The following ZNF606 variants were observed in gnomAD, a reference collection of about 807,000 sequenced individuals.
ZNF606 encodes the protein zinc finger protein 328.
A neutral mutation model predicts 74.9 loss-of-function variants in ZNF606; 37 were observed. The ratio of observed to expected loss-of-function variants is 0.49; its 90% confidence interval spans 0.38 to 0.65. The LOEUF (loss-of-function observed/expected upper bound fraction) is 0.65. ZNF606 is among the 30% of genes least tolerant of loss of function. The pLI is 0.00. For missense variants in ZNF606, 852 were observed against 952.9 expected, an observed-to-expected ratio of 0.89 and a Z score of 1.39; for synonymous variants, 328 against 312.4, an observed-to-expected ratio of 1.05 and a Z score of -0.53.
In ZNF606 at chr19:57,979,199, T is replaced by G; in HGVS notation, c.1481A>C (p.Asn494Thr). 6 of 1,613,776 alleles carry G rather than the reference T, an allele frequency of 3.7e-6. No homozygotes were observed. Among genetic ancestry groups the G allele is most frequent in the Non-Finnish European group, 5.1e-6 (6 of 1,179,914 alleles). The change falls in exon 7 of 7, where the codon AAC (asparagine) becomes ACC (threonine). Residue 494 changes from asparagine to threonine, a missense_variant. Physicochemically the swap from Asn to Thr is moderately conservative, Grantham distance 65 (BLOSUM62 0). Around this residue, in one of 3 missense-constraint regions of ZNF606, gnomAD observed 243 missense variants for 359.2 expected, o/e 0.68. Coordinates refer to ENST00000551380, the MANE Select transcript of ZNF606 (RefSeq NM_001348022.3). ...YVCNECGKSFNWNSHLIGHQR... is the reference protein window; with the variant it reads ...YVCNECGKSFTWNSHLIGHQR... ...ATGTCCAATAAGATGAGAGTTCCAG[T>G]TGAAAGATTTCCCACACTCATTACA...
chr19:58,000,604 C>T, intron 3 of ZNF606, 79 bp downstream of exon 3: 1 of 1,483,902 alleles, frequency 6.7e-7, no homozygotes, highest in Non-Finnish European at 9.4e-7. Context: ...GGTCCCCATT[C>T]TATTCCCCAG....
Position 58,002,434 on chromosome 19 carries a change from G to A in ZNF606, c.-90C>T. ...GGCGGTCCCCCTTGAAGGCGGCGCA[G>A]CAGGATCGGGGTCTGCCCGCCTGGG... On this transcript the variant is annotated 5_prime_UTR_variant, in exon 1 of 7. Coordinates refer to ENST00000551380, the MANE Select transcript of ZNF606 (RefSeq NM_001348022.3). 2.2e-6 allele frequency: 1 copy of A among 455,878 alleles called. No homozygotes were observed. Among genetic ancestry groups the A allele is most frequent in the South Asian group, 1.6e-5 (1 of 64,472 alleles). The allele number at this position is 455,878 out of a possible 1,614,324, so 28.2% of individuals were successfully genotyped here.
At chr19:57,996,602 G>A (rs901250614) in intron 4 of ZNF606, among the ~76,000 whole-genome samples, 3 of 152,046 alleles carry the variant, frequency 2.0e-5, no homozygotes, top group Non-Finnish European at 4.4e-5. Context: ...AGGAAGAGAT[G>A]GTGGAAGACA....
intron 4 of ZNF606, among the ~76,000 whole-genome samples, chr19:57,996,373 C>T (rs1006903980): frequency 1.3e-5 from 2 of 152,190 alleles, no homozygotes; most frequent in African/African-American, 4.8e-5. Context: ...TGGTGGCACA[C>T]ACCTGTAATC....
intron 4 of ZNF606, chr19:57,998,235 A>G (rs1311931975): frequency 6.6e-6 from 1 of 152,186 alleles, no homozygotes; most frequent in Non-Finnish European, 1.5e-5. Context: ...GAAAAAACCA[A>G]TTTAAAAAAT....
At chr19:58,001,169 G>C (rs1390093169) in intron 2 of ZNF606, 120 bp downstream of exon 2, 18 of 1,198,908 alleles carry the variant, frequency 1.5e-5, no homozygotes, top group Non-Finnish European at 2.0e-5. Context: ...TTCTAATTTT[G>C]TACCAAGATA....
intron 4 of ZNF606, among the ~76,000 whole-genome samples, chr19:57,990,208 CA>C (rs995664039): frequency 4.0e-5 from 6 of 150,534 alleles, no homozygotes; most frequent in African/African-American, 1.2e-4. Context: ...ACTAAAAATA[CA>C]AAAAAATTAG....
intron 4 of ZNF606, among the ~76,000 whole-genome samples, chr19:57,989,051 A>G (rs1318180450): frequency 6.6e-6 from 1 of 152,132 alleles, no homozygotes; most frequent in Non-Finnish European, 1.5e-5. Flanking sequence ...CAGTCATATA[A>G]AAAGGCCTGG....
At position 57,978,801 on chromosome 19, in the gene ZNF606, T is replaced by G; in HGVS notation, c.1879A>C (p.Asn627His). ...TGGCTACAGGATTTTCCACATTTATTACATTCATAGGGCTTAATTCCAGAA... is the reference window on the plus strand; with the variant it reads ...TGGCTACAGGATTTTCCACATTTATGACATTCATAGGGCTTAATTCCAGAA... ...IHSGIKPYEC[N>H]KCGKSCSQMA... The change falls in exon 7 of 7, where the codon AAT (asparagine) becomes CAT (histidine). Residue 627 changes from asparagine (N) to histidine (H), a missense_variant. Asn to His is a moderately conservative substitution (Grantham distance 68). Coordinates refer to ENST00000551380, the MANE Select transcript of ZNF606 (RefSeq NM_001348022.3). The surrounding 1 kb of genome is among the most constrained non-coding windows in gnomAD (Gnocchi z 4.4). 2 of 1,614,214 alleles carry G rather than the reference T, an allele frequency of 1.2e-6. No homozygotes were observed. The highest frequency in any genetic ancestry group is 1.7e-6 in the Non-Finnish European group (2 of 1,180,038).
chr19:58,001,124 T>C, intron 2 of ZNF606, 165 bp downstream of exon 2: 1 of 769,160 alleles, frequency 1.3e-6, no homozygotes, highest in Non-Finnish European at 2.1e-6. Context: ...TAGTGTCTTT[T>C]ATGCCAACAA....
chr19:57,978,392 C>G lies in ZNF606; in HGVS notation c.2288G>C (p.Arg763Pro), dbSNP rs373070463. ...IHQRMHSGEK[R>P]FICSECGKAF... Reference sequence around the variant, plus strand: ...TTTTCCACATTCACTGCATATAAAGCGTTTCTCTCCACTATGCATTCTCTG... The same window carrying G: ...TTTTCCACATTCACTGCATATAAAGGGTTTCTCTCCACTATGCATTCTCTG... The change falls in exon 7 of 7, where the codon CGC (arginine) becomes CCC (proline). Residue 763 changes from arginine to proline, a missense_variant. This residue lies in a region of ZNF606 where 64 missense variants were observed against 51.1 expected (regional missense o/e 1.25). Coordinates refer to ENST00000551380, the MANE Select transcript of ZNF606 (RefSeq NM_001348022.3). This position sits in a 1 kb window ranked among gnomAD's most constrained non-coding sequence, Gnocchi z 4.4. 6.2e-7 allele frequency: 1 copy of G among 1,613,148 alleles called. No individual in the cohort carries two copies. Among genetic ancestry groups the G allele is most frequent in the Non-Finnish European group, 8.5e-7 (1 of 1,179,304 alleles).
chr19:57,994,559 A>G lies in ZNF606; in HGVS notation c.177+5249T>C, dbSNP rs545383930. Reference sequence around the variant, plus strand: ...GGGAGGAGTTAGTTGATATGTGATAAAGAATTAGGATTCAGAATGCATGTG... The same window carrying G: ...GGGAGGAGTTAGTTGATATGTGATAGAGAATTAGGATTCAGAATGCATGTG... On this transcript the variant is annotated intron_variant, in intron 4 of 6. Transcript: ENST00000551380. Among the ~76,000 whole-genome samples the G allele has an allele frequency of 3.3e-5, 5 of 152,334 alleles. No individual in the cohort carries two copies. The South Asian group carries it at 1.0e-3, about 32-fold the overall frequency.
rs1313857117 is a variant in ZNF606 at position 57,979,621 on chromosome 19, G to T, written c.1059C>A (p.Ile353=). 2 of 1,613,392 alleles carry T rather than the reference G, an allele frequency of 1.2e-6. No individual in the cohort carries two copies. Among genetic ancestry groups the T allele is most frequent in the Admixed American group, 1.7e-5 (1 of 60,006 alleles). Reference sequence around the variant, plus strand: ...GTTCCATAAAGGATGAGAAATAAAAGATATTCTCATATTCTTTGTAATTAT... The same window carrying T: ...GTTCCATAAAGGATGAGAAATAAAATATATTCTCATATTCTTTGTAATTAT... ...NQYNYKEYEN[I]FYFSSFMEHQ... is the part of the protein sequence containing the mutation. The change falls in exon 7 of 7, where the codon ATC becomes ATA. Residue 353 remains isoleucine (I), a synonymous_variant. Transcript: ENST00000551380.
chr19:57,978,352 G>A lies in ZNF606; in HGVS notation c.2328C>T (p.His776=), dbSNP rs1246881609. ...CSECGKAFSG[H]SALLQHQRNH... ...TTCTCTGGTGTTGAAGTAGGGCTGA[G>A]TGACCACTAAAGGCTTTTCCACATT... is the stretch of plus-strand genomic sequence containing the variant. The change falls in exon 7 of 7, where the codon CAC becomes CAT. Residue 776 remains histidine, a synonymous_variant. Coordinates refer to ENST00000551380, the MANE Select transcript of ZNF606 (RefSeq NM_001348022.3). The surrounding 1 kb of genome is among the most constrained non-coding windows in gnomAD (Gnocchi z 4.4). 10 of 1,600,516 alleles carry A rather than the reference G, an allele frequency of 6.2e-6. No individual in the cohort carries two copies. The highest frequency in any genetic ancestry group is 1.1e-5 in the South Asian group (1 of 89,918).
intron 6 of ZNF606, among the ~76,000 whole-genome samples, chr19:57,986,378 G>A (rs1278821318): frequency 7.9e-5 from 12 of 151,942 alleles, no homozygotes; most frequent in African/African-American, 2.9e-4. Flanking sequence ...CTTGAGCCTA[G>A]AAGGTTGAGA....
At chr19:57,985,716 C>T (rs1385194271) in intron 6 of ZNF606, among the ~76,000 whole-genome samples, 2 of 151,230 alleles carry the variant, frequency 1.3e-5, no homozygotes, top group Non-Finnish European at 2.9e-5. Flanking sequence ...ATCATGAGGT[C>T]AAGAGATTGA....
chr19:58,001,684 C>G (rs535128023), intron 1 of ZNF606, among the ~76,000 whole-genome samples: 1 of 152,238 alleles, frequency 6.6e-6, no homozygotes, highest in South Asian at 2.1e-4. Flanking sequence ...AACTTGCAAT[C>G]CTCATATATT....
At chr19:58,000,093 C>T (rs1433118138) in intron 3 of ZNF606, 197 bp from the exon 4 acceptor site, 5 of 575,458 alleles carry the variant, frequency 8.7e-6, no homozygotes, top group East Asian at 5.6e-5. Context: ...CTCATTGGCC[C>T]CCCCTGTGCT....
chr19:57,979,297 A>C lies in ZNF606; in HGVS notation c.1383T>G (p.Cys461Trp). The C allele has an allele frequency of 6.2e-7, 1 of 1,614,020 alleles. No individual in the cohort carries two copies. Among genetic ancestry groups the C allele is most frequent in the Non-Finnish European group, 8.5e-7 (1 of 1,180,000 alleles). The change falls in exon 7 of 7, where the codon TGT becomes TGG. Residue 461 changes from cysteine (C) to tryptophan (W), a missense_variant. Around this residue, in one of 3 missense-constraint regions of ZNF606, gnomAD observed 243 missense variants for 359.2 expected, o/e 0.68. Transcript: ENST00000551380. ...TGIKPYECNK[C>W]GKAFSWNSHL... ...GAGAATTCCAGCTGAAGGCTTTTCCACATTTATTACATTCATAGGGTTTTA... is the reference window on the plus strand; with the variant it reads ...GAGAATTCCAGCTGAAGGCTTTTCCCCATTTATTACATTCATAGGGTTTTA...
Sources: allele counts gnomAD v4.1 joint callset (sites outside exome capture counted in the v4.1 genomes callset), GRCh38; gene constraint gnomAD v4.1.1; regional missense constraint gnomAD v4.1.1; non-coding constraint Gnocchi (gnomAD v3.1); transcripts MANE v1.5; gene names NCBI Gene and HGNC (gene_info 2026-07-23, HGNC 2026-07-21).